Variants in ABI3BP observed in about 807,000 individuals in gnomAD.
ABI3BP encodes the protein target of Nesh-SH3.
A neutral mutation model predicts 268.6 loss-of-function variants in ABI3BP; 216 were observed. That is an observed-to-expected ratio of 0.80 (90% CI 0.72 to 0.90). The LOEUF (loss-of-function observed/expected upper bound fraction) is 0.90. Ranked by LOEUF, ABI3BP falls within the 40% of genes least tolerant of loss-of-function variation. The pLI is 0.00. For synonymous variants in ABI3BP, 730 were observed against 730.0 expected (o/e 1.00, Z 0.00); for missense variants, 2,090 against 2,182.4 (o/e 0.96, Z 0.84).
At chr3:100,971,764 G>A (rs2083705876) in intron 1 of ABI3BP, among the ~76,000 whole-genome samples, 1 of 152,216 alleles carries the variant, frequency 6.6e-6, no homozygotes, top group Non-Finnish European at 1.5e-5. Context: ...AGATGCTGAT[G>A]GAAGTTGGAT....
At chr3:100,942,313 T>C (rs1275177730) in intron 1 of ABI3BP, among the ~76,000 whole-genome samples, 1 of 152,114 alleles carries the variant, frequency 6.6e-6, no homozygotes, top group Non-Finnish European at 1.5e-5. Context: ...AGAATATATA[T>C]AGAAAACGTC....
At chr3:100,830,757 CAAAA>C (rs1278115907) in intron 31 of ABI3BP, 123 bp from the exon 32 acceptor site, 15 of 714,582 alleles carry the variant, frequency 2.1e-5, no homozygotes, top group Non-Finnish European at 2.9e-5. Flanking sequence ...TATCATAACT[CAAAA>C]GAAAGTGGCT....
At chr3:100,927,223 C>T (rs908159790) in intron 1 of ABI3BP, among the ~76,000 whole-genome samples, 5 of 152,070 alleles carry the variant, frequency 3.3e-5, no homozygotes, top group Admixed American at 2.6e-4. Context: ...TATTTTTAAA[C>T]TACTAAGGCA....
Position 100,794,907 on chromosome 3 carries a change from T to G in ABI3BP, c.3946+16A>C. The G allele has an allele frequency of 6.5e-7, 1 of 1,545,618 alleles. No individual in the cohort carries two copies. Among genetic ancestry groups the G allele is most frequent in the Non-Finnish European group, 8.8e-7 (1 of 1,140,066 alleles). ...AAGGCAAGCTCTCTTTGAACAAATA[T>G]TAAAACGAAATTTACCCAGAGTGGT... On this transcript the variant is annotated intron_variant, in intron 54 of 67. Coordinates refer to ENST00000471714, the MANE Select transcript of ABI3BP (RefSeq NM_001375547.2).
intron 62 of ABI3BP, 33 bp downstream of exon 62, chr3:100,770,710 C>T (rs774056662): frequency 2.1e-6 from 3 of 1,397,808 alleles, no homozygotes; most frequent in Middle Eastern, 2.4e-4. Context: ...ATCAAAGCTT[C>T]CCACCATAAC....
intron 1 of ABI3BP, among the ~76,000 whole-genome samples, chr3:100,955,922 T>G (rs2076661372): frequency 6.6e-6 from 1 of 152,098 alleles, no homozygotes; most frequent in Non-Finnish European, 1.5e-5. Flanking sequence ...GCATGGGGGC[T>G]CACACTTGTA....
In ABI3BP at chr3:100,766,638, C is replaced by G. The variant is rs116409336; in HGVS notation, c.4742-689G>C. ...CTAAATTTCACTTAAGGGCACATTT[C>G]TATGAACTTGCAGGGCTCATCAAAA... On this transcript the variant is annotated intron_variant, in intron 62 of 67. Coordinates refer to ENST00000471714, the MANE Select transcript of ABI3BP (RefSeq NM_001375547.2). 3.4e-3 allele frequency among the ~76,000 whole-genome samples: 516 copies of G among 152,264 alleles called. 5 individuals are homozygous for G. Among genetic ancestry groups the G allele is most frequent in the Non-Finnish European group, 4.9e-3 (336 of 68,022 alleles).
chr3:100,819,672 C>A (rs1352729129), intron 40 of ABI3BP, among the ~76,000 whole-genome samples: 1 of 151,952 alleles, frequency 6.6e-6, no homozygotes, highest in Non-Finnish European at 1.5e-5. Flanking sequence ...AAATAAGAGG[C>A]CGGGCGTGGT....
At chr3:100,985,363 A>C (rs1037606540) in intron 1 of ABI3BP, among the ~76,000 whole-genome samples, 79 of 151,646 alleles carry the variant, frequency 5.2e-4, no homozygotes, top group African/African-American at 1.8e-3. Flanking sequence ...GTTAGCCAGG[A>C]TGGTCTCGAT....
chr3:100,808,405 A>C (rs543237870), intron 49 of ABI3BP, among the ~76,000 whole-genome samples, 170 bp from the exon 50 acceptor site: 36 of 152,170 alleles, frequency 2.4e-4, no homozygotes, highest in Non-Finnish European at 4.9e-4. Flanking sequence ...ATATAACAGA[A>C]AACAAAACAA....
At chr3:100,928,469 G>GA (rs1022710869) in intron 1 of ABI3BP, among the ~76,000 whole-genome samples, 8 of 152,134 alleles carry the variant, frequency 5.3e-5, no homozygotes, top group African/African-American at 1.9e-4. Flanking sequence ...CACAGAAAAT[G>GA]TTCAATTAGG....
chr3:100,914,312 A>T lies in ABI3BP; in HGVS notation c.260-11626T>A, dbSNP rs963699230. On this transcript the variant is annotated intron_variant, in intron 2 of 67. Transcript: ENST00000471714. The stretch of plus-strand genomic sequence containing the variant: ...AATGAACCCACACCCAGTTTGACAG[A>T]ACACTCTGTTATGCCCCATGGCTTG... 2.3e-5 allele frequency: 7 copies of T among 303,884 alleles called. No individual in the cohort carries two copies. The Admixed American group carries it at 2.6e-4, about 11-fold the overall frequency. The allele number at this position is 303,884 out of a possible 1,614,324, so 18.8% of individuals were successfully genotyped here.
At chr3:100,857,976 G>A (rs1413265358) in intron 14 of ABI3BP, among the ~76,000 whole-genome samples, 1 of 152,230 alleles carries the variant, frequency 6.6e-6, no homozygotes, top group Admixed American at 6.5e-5. Flanking sequence ...GGAAGACACT[G>A]AGAACTTTTC....
At chr3:100,925,019 G>A (rs1328930373) in intron 2 of ABI3BP, among the ~76,000 whole-genome samples, 2 of 152,058 alleles carry the variant, frequency 1.3e-5, no homozygotes, top group South Asian at 2.1e-4. Flanking sequence ...TGGTTTTTGT[G>A]GTCAAGGTTA....
intron 1 of ABI3BP, among the ~76,000 whole-genome samples, chr3:100,941,646 T>C (rs1338974205): frequency 6.6e-6 from 1 of 152,074 alleles, no homozygotes; most frequent in Non-Finnish European, 1.5e-5. Context: ...TCTGGTGAAT[T>C]TGGATGACTG....
intron 63 of ABI3BP, among the ~76,000 whole-genome samples, chr3:100,761,634 CTG>C (rs2095955077): frequency 1.3e-5 from 2 of 152,074 alleles, no homozygotes; most frequent in Non-Finnish European, 2.9e-5. Context: ...TTGGTATACA[CTG>C]TGAAAGGAAA....
chr3:100,940,598 T>C (rs2068536214), intron 1 of ABI3BP, among the ~76,000 whole-genome samples: 1 of 150,668 alleles, frequency 6.6e-6, no homozygotes, highest in Non-Finnish European at 1.5e-5. Flanking sequence ...CTCATAGGCC[T>C]CAAGCCACCC....
At chr3:100,932,208 C>T (rs1465887197) in intron 1 of ABI3BP, among the ~76,000 whole-genome samples, 1 of 151,840 alleles carries the variant, frequency 6.6e-6, no homozygotes, top group Non-Finnish European at 1.5e-5. Flanking sequence ...ATCAACTCAA[C>T]ATGGATTAAA....
intron 1 of ABI3BP, among the ~76,000 whole-genome samples, chr3:100,964,648 G>T (rs915538344): frequency 6.6e-6 from 1 of 152,108 alleles, no homozygotes; most frequent in Non-Finnish European, 1.5e-5. Context: ...CTACCTGAAG[G>T]CACAATTGTC....
Sources: gnomAD v4.1 joint callset for allele counts (sites outside exome capture counted in the v4.1 genomes callset) on GRCh38, gnomAD v4.1.1 for gene constraint, MANE v1.5 for transcripts, NCBI Gene and HGNC (gene_info 2026-07-23, HGNC 2026-07-21) for gene names.